Variants in PTPRM observed in about 807,000 individuals in gnomAD.
PTPRM encodes receptor-type tyrosine-protein phosphatase mu.
A neutral mutation model predicts 186.7 loss-of-function variants in PTPRM; 47 were observed. The ratio of observed to expected loss-of-function variants is 0.25; its 90% CI spans 0.20 to 0.32. The LOEUF is 0.32. Among genes scored for constraint, PTPRM ranks in the 10% least tolerant of loss-of-function variants. PTPRM has a pLI of 1.00. For synonymous variants in PTPRM, 668 were observed against 674.9 expected, an observed-to-expected ratio of 0.99 and a Z score of 0.16; for missense variants, 1,494 against 1,865.0, an observed-to-expected ratio of 0.80 and a Z score of 3.66.
chr18:7,946,335 C>T (rs894050025), intron 5 of PTPRM, among the ~76,000 whole-genome samples: 3 of 152,040 alleles, frequency 2.0e-5, no homozygotes, highest in Non-Finnish European at 4.4e-5. Flanking sequence ...GGATTCATGC[C>T]GCAAGTAAAT....
At chr18:7,899,973 T>C (rs949566174) in intron 3 of PTPRM, among the ~76,000 whole-genome samples, 27 of 152,274 alleles carry the variant, frequency 1.8e-4, no homozygotes, top group Admixed American at 3.3e-4. Context: ...CAGGGTCTTC[T>C]TCTCATTGCT....
chr18:8,348,076 AAAC>A (rs1431865233), intron 23 of PTPRM, among the ~76,000 whole-genome samples: 17 of 152,360 alleles, frequency 1.1e-4, no homozygotes, highest in Middle Eastern at 3.4e-3. Flanking sequence ...TTTAGCTTAA[AAAC>A]AACAACAACA....
At chr18:8,342,915 C>G (rs1406841672) in intron 22 of PTPRM, among the ~76,000 whole-genome samples, 1 of 137,286 alleles carries the variant, frequency 7.3e-6, no homozygotes, top group Non-Finnish European at 1.6e-5. Context: ...ACTTCTCTCT[C>G]TTACTTTAGA....
At chr18:8,222,970 C>T (rs1341384267) in intron 14 of PTPRM, among the ~76,000 whole-genome samples, 1 of 152,090 alleles carries the variant, frequency 6.6e-6, no homozygotes, top group Non-Finnish European at 1.5e-5. Flanking sequence ...CACCTATAAT[C>T]CCAACTCTTT....
intron 13 of PTPRM, among the ~76,000 whole-genome samples, chr18:8,115,715 T>C (rs922229246): frequency 3.3e-5 from 5 of 152,238 alleles, no homozygotes; most frequent in African/African-American, 1.2e-4. Flanking sequence ...AATCAGGTCA[T>C]ACTTGATGAG....
At chr18:7,872,792 A>G (rs563768612) in intron 2 of PTPRM, among the ~76,000 whole-genome samples, 24 of 152,196 alleles carry the variant, frequency 1.6e-4, no homozygotes, top group Non-Finnish European at 2.9e-5. Context: ...TTTGGCACTT[A>G]ATAGATAATG....
chr18:8,267,379 G>A (rs2094714550), intron 19 of PTPRM, among the ~76,000 whole-genome samples: 1 of 151,128 alleles, frequency 6.6e-6, no homozygotes, highest in African/African-American at 2.4e-5. Context: ...GCCCAATTTT[G>A]TTGTTTTCTT....
rs568862297 is a variant in PTPRM at position 8,215,657 on chromosome 18, C to T, written c.2301-28401C>T. The stretch of plus-strand genomic sequence containing the variant: ...CGCCGGGCTCAAGTGATCCTCTCAT[C>T]TCAGTCTCCTGAGTAGCTGAGACTA... On this transcript the variant is annotated intron_variant, in intron 14 of 32. Transcript: ENST00000580170. Among the ~76,000 whole-genome samples, 5 of 150,196 alleles carry T rather than the reference C, an allele frequency of 3.3e-5. No individual in the cohort carries two copies. In the South Asian group the frequency reaches 1.1e-3, roughly 32 times the overall value.
intron 22 of PTPRM, among the ~76,000 whole-genome samples, chr18:8,342,479 C>T (rs627141): frequency 0.48 from 72,924 of 151,648 alleles, 20,427 homozygotes; most frequent in Middle Eastern, 0.68. Context: ...GCTCCAGCTC[C>T]AGCAATCTGA....
At chr18:8,038,573 G>A (rs1257214402) in intron 7 of PTPRM, among the ~76,000 whole-genome samples, 3 of 152,000 alleles carry the variant, frequency 2.0e-5, no homozygotes, top group Admixed American at 2.0e-4. Flanking sequence ...TGTATTTTTA[G>A]TAGAGACGGG....
At chr18:8,127,251 A>G (rs989623881) in intron 13 of PTPRM, among the ~76,000 whole-genome samples, 2 of 152,184 alleles carry the variant, frequency 1.3e-5, no homozygotes, top group Non-Finnish European at 2.9e-5. Flanking sequence ...GATCAGCTGC[A>G]GCCAGCATGG....
intron 7 of PTPRM, among the ~76,000 whole-genome samples, chr18:7,994,030 A>G (rs1313797251): frequency 6.6e-6 from 1 of 152,086 alleles, no homozygotes; most frequent in Non-Finnish European, 1.5e-5. Context: ...AATGGATAAA[A>G]ATATATAATA....
intron 23 of PTPRM, among the ~76,000 whole-genome samples, chr18:8,347,708 C>G (rs564461028): frequency 9.9e-5 from 15 of 152,072 alleles, no homozygotes; most frequent in Non-Finnish European, 1.6e-4. Flanking sequence ...TAAGGTGTGG[C>G]TGAAGTGGGT....
chr18:8,324,973 CT>C (rs1399337500), intron 22 of PTPRM, among the ~76,000 whole-genome samples: 1 of 152,208 alleles, frequency 6.6e-6, no homozygotes, highest in Non-Finnish European at 1.5e-5. Context: ...TGACCTGTTA[CT>C]GTTTTTGAGA....
intron 29 of PTPRM, among the ~76,000 whole-genome samples, chr18:8,381,360 TAAAAA>T (rs60672111): frequency 7.2e-6 from 1 of 138,020 alleles, no homozygotes; most frequent in Admixed American, 7.2e-5. Context: ...TTCTTTTTCT[TAAAAA>T]AAAAAAAAAA....
intron 3 of PTPRM, among the ~76,000 whole-genome samples, chr18:7,891,113 CAA>C (rs11294604): frequency 3.3e-4 from 42 of 128,448 alleles, no homozygotes; most frequent in Middle Eastern, 3.8e-3. Context: ...CCAGTGTCTC[CAA>C]AAAAAAAAAA....
intron 20 of PTPRM, among the ~76,000 whole-genome samples, chr18:8,313,834 A>G (rs573615954): frequency 1.6e-4 from 24 of 152,146 alleles, no homozygotes; most frequent in African/African-American, 5.8e-4. Context: ...GAGTGACAAC[A>G]TACGAAGCAC....
intron 4 of PTPRM, among the ~76,000 whole-genome samples, chr18:7,919,783 A>C (rs1483343923): frequency 6.6e-6 from 1 of 152,094 alleles, no homozygotes; most frequent in Non-Finnish European, 1.5e-5. Context: ...TTCTGTCTGA[A>C]TGATTGGTCT....
chr18:8,235,456 C>CTTTTTTTTT lies in PTPRM; in HGVS notation c.2301-8587_2301-8579dup, dbSNP rs58166609. On this transcript the variant is annotated intron_variant, in intron 14 of 32. Transcript: ENST00000580170. ...TTCTAATATGAGTAATCTGTGTCTT[C>CTTTTTTTTT]TTTTTTTTTTTTTTTTTTTTTTTAG... Among the ~76,000 whole-genome samples, 40 of 102,306 alleles carry CTTTTTTTTT rather than the reference C, an allele frequency of 3.9e-4. 1 individual carries two copies. The highest frequency in any genetic ancestry group is 1.4e-3 in the East Asian group (4 of 2,916). The allele number at this position is 102,306 out of a possible 152,430, so 67.1% of individuals were successfully genotyped here.
Sources: allele counts gnomAD v4.1 joint callset (sites outside exome capture counted in the v4.1 genomes callset), GRCh38; gene constraint gnomAD v4.1.1; transcripts MANE v1.5; gene names NCBI Gene and HGNC (gene_info 2026-07-23, HGNC 2026-07-21).